The following TRIO variants were observed in gnomAD, a reference collection of about 807,000 sequenced individuals.
TRIO encodes triple functional domain protein.
Under a neutral mutation model 351.9 loss-of-function variants are expected in TRIO, and 58 were observed. The ratio of observed to expected loss-of-function variants is 0.16; its 90% CI spans 0.13 to 0.21. The LOEUF is 0.21. Ranked by LOEUF, TRIO falls within the 10% of genes least tolerant of loss-of-function variation. The pLI is 1.00. For missense variants in TRIO, 3,201 were observed against 4,027.8 expected (o/e 0.79, Z 5.56); for synonymous variants, 1,758 against 1,595.7 (o/e 1.10, Z -2.42).
chr5:14,166,736 A>T (rs1347023218), intron 1 of TRIO, among the ~76,000 whole-genome samples: 1 of 152,214 alleles, frequency 6.6e-6, no homozygotes, highest in Non-Finnish European at 1.5e-5. Context: ...TTGAGCCAGC[A>T]AAACTGGGCC....
chr5:14,198,391 C>G (rs970033162), intron 1 of TRIO, among the ~76,000 whole-genome samples: 5 of 152,146 alleles, frequency 3.3e-5, no homozygotes, highest in East Asian at 3.8e-4. Context: ...TTTAATTGTA[C>G]TAAGTATACA....
intron 18 of TRIO, among the ~76,000 whole-genome samples, chr5:14,373,582 G>A (rs1249187375): frequency 2.6e-5 from 4 of 152,206 alleles, no homozygotes; most frequent in Middle Eastern, 3.4e-3. Context: ...TTTAAAATAT[G>A]TGAATGAAAC....
chr5:14,178,361 G>A (rs772878962), intron 1 of TRIO, among the ~76,000 whole-genome samples: 12 of 152,222 alleles, frequency 7.9e-5, no homozygotes, highest in Non-Finnish European at 1.3e-4. Context: ...TGTGAGAGAC[G>A]TAGGCTGTTA....
intron 34 of TRIO, among the ~76,000 whole-genome samples, chr5:14,452,030 G>A (rs1453316375): frequency 6.6e-6 from 1 of 152,258 alleles, no homozygotes; most frequent in Non-Finnish European, 1.5e-5. Flanking sequence ...GGCATCCGTG[G>A]GTGGCCCTGT....
At chr5:14,361,472 G>T (rs1316355307) in intron 13 of TRIO, among the ~76,000 whole-genome samples, 1 of 152,208 alleles carries the variant, frequency 6.6e-6, no homozygotes, top group African/African-American at 2.4e-5. Flanking sequence ...CACAGCCTGA[G>T]AACCTCTGTT....
chr5:14,266,072 T>G (rs181502255), intron 1 of TRIO, among the ~76,000 whole-genome samples: 2 of 151,994 alleles, frequency 1.3e-5, no homozygotes, highest in Admixed American at 1.3e-4. Context: ...TTCCTTTTCT[T>G]TTTTTTTGGA....
chr5:14,502,726 G>A (rs1757384898), intron 54 of TRIO, 69 bp downstream of exon 54: 1 of 1,468,398 alleles, frequency 6.8e-7, no homozygotes, highest in South Asian at 1.1e-5. Context: ...GAGAGTGCAG[G>A]GATAAAGCTA....
At chr5:14,153,818 C>T (rs1254632659) in intron 1 of TRIO, among the ~76,000 whole-genome samples, 7 of 152,182 alleles carry the variant, frequency 4.6e-5, no homozygotes, top group African/African-American at 1.7e-4. Context: ...CATCCCACAG[C>T]CTCCTGGATT....
chr5:14,507,226 T>C lies in TRIO; in HGVS notation c.8717T>C (p.Leu2906Pro). 1 of 1,611,828 alleles carries C rather than the reference T, an allele frequency of 6.2e-7. No homozygotes were observed. The highest frequency in any genetic ancestry group is 8.5e-7 in the Non-Finnish European group (1 of 1,179,870). ...GAGGTTCTGGAAGCTGTCCGGTACC[T>C]GCACAACTGCAGGATAGCACACCTG... Reference protein sequence around the residue: ...LGEVLEAVRYLHNCRIAHLDL... With the variant: ...LGEVLEAVRYPHNCRIAHLDL... Residue 2906 changes from leucine to proline, a missense_variant, in exon 56 of 57, where the codon CTG (leucine) becomes CCG (proline). Leu to Pro is a moderately conservative substitution (Grantham distance 98). Coordinates refer to ENST00000344204, the MANE Select transcript of TRIO (RefSeq NM_007118.4).
At position 14,389,204 on chromosome 5, in the gene TRIO, CTG is replaced by C. The variant is rs1475138370; in HGVS notation, c.3949-79_3949-78del. On this transcript the variant is annotated intron_variant, in intron 24 of 56. Coordinates refer to ENST00000344204, the MANE Select transcript of TRIO (RefSeq NM_007118.4). Reference sequence around the variant, plus strand: ...TTATACTTTCACTTATACATTAACTCTGTGTGTTTACAGATGTCAGAAACAGC... The same window carrying C: ...TTATACTTTCACTTATACATTAACTCTGTGTTTACAGATGTCAGAAACAGC... The C allele has an allele frequency of 4.1e-5, 41 of 995,026 alleles. 1 individual carries two copies. In the Middle Eastern group the frequency reaches 1.1e-3, roughly 26 times the overall value. 61.6% of individuals were successfully genotyped at this position (995,026 alleles called of 1,614,324 possible). A position where few individuals can be genotyped will look rare whatever the true frequency, so the allele number is the denominator to read the frequency against.
rs779821138 is a variant in TRIO, at chr5:14,488,216, T to C, written c.7588T>C (p.Ser2530Pro). The change falls in exon 48 of 57, where the codon TCC becomes CCC. Residue 2530 changes from serine (S) to proline (P), a missense_variant. By Grantham distance (74) the Ser-to-Pro change is moderately conservative. Transcript: ENST00000344204. ...GKDTDRMSTC[S>P]SASEQSVQST... ...GGATACTGACCGCATGAGCACGTGCTCCTCGGCCAGCGAGCAGTCCGTGCA... is the reference window on the plus strand; with the variant it reads ...GGATACTGACCGCATGAGCACGTGCCCCTCGGCCAGCGAGCAGTCCGTGCA... 6 of 1,592,196 alleles carry C rather than the reference T, an allele frequency of 3.8e-6. No individual in the cohort carries two copies. The East Asian group carries it at 1.3e-4, about 36-fold the overall frequency.
At chr5:14,225,585 C>T (rs1443897842) in intron 1 of TRIO, among the ~76,000 whole-genome samples, 1 of 152,122 alleles carries the variant, frequency 6.6e-6, no homozygotes, top group African/African-American at 2.4e-5. Context: ...GGAGGCCACT[C>T]TCAGGTCCTT....
intron 1 of TRIO, among the ~76,000 whole-genome samples, chr5:14,182,651 C>G (rs1789858736): frequency 6.6e-6 from 1 of 152,166 alleles, no homozygotes; most frequent in African/African-American, 2.4e-5. Context: ...ATTACACTTG[C>G]TGTACTTTTT....
At chr5:14,500,854 G>A (rs112373388) in intron 53 of TRIO, among the ~76,000 whole-genome samples, 1,769 of 141,044 alleles carry the variant, frequency 0.013, 42 homozygotes, top group African/African-American at 0.044. Flanking sequence ...GCACCACTGC[G>A]CTCCATCCTG....
chr5:14,168,758 G>A (rs534317558), intron 1 of TRIO, among the ~76,000 whole-genome samples: 1 of 152,150 alleles, frequency 6.6e-6, no homozygotes, highest in Non-Finnish European at 1.5e-5. Context: ...TTCAGTTTTT[G>A]TTACTATATG....
intron 4 of TRIO, among the ~76,000 whole-genome samples, chr5:14,288,450 C>T (rs760624395): frequency 6.6e-6 from 1 of 152,064 alleles, no homozygotes; most frequent in African/African-American, 2.4e-5. Flanking sequence ...GGGCGGACCA[C>T]GAGGTCAGGA....
intron 34 of TRIO, among the ~76,000 whole-genome samples, chr5:14,434,590 A>G (rs999914819): frequency 6.6e-6 from 1 of 152,188 alleles, no homozygotes; most frequent in African/African-American, 2.4e-5. Flanking sequence ...AGCTCCCCCA[A>G]TAGTAACATC....
intron 1 of TRIO, among the ~76,000 whole-genome samples, chr5:14,195,569 A>G (rs575776647): frequency 6.6e-6 from 1 of 152,278 alleles, no homozygotes; most frequent in Non-Finnish European, 1.5e-5. Context: ...TTTACCCATT[A>G]ATTTTGTACT....
intron 11 of TRIO, among the ~76,000 whole-genome samples, chr5:14,342,244 C>A (rs1024063865): frequency 6.6e-6 from 1 of 152,212 alleles, no homozygotes; most frequent in Non-Finnish European, 1.5e-5. Context: ...AGGTCCTCAC[C>A]GAGTTTGCTC....
Sources: allele counts gnomAD v4.1 joint callset (sites outside exome capture counted in the v4.1 genomes callset), GRCh38; gene constraint gnomAD v4.1.1; transcripts MANE v1.5; gene names NCBI Gene and HGNC (gene_info 2026-07-23, HGNC 2026-07-21).